Variants in UACA observed in about 807,000 individuals in gnomAD.
The protein encoded by UACA is nuclear membrane binding protein.
UACA carries 112 observed loss-of-function variants against 160.5 expected under a neutral mutation model. That is an observed-to-expected ratio of 0.70 (90% CI 0.60 to 0.82). The LOEUF is 0.82. Ranked by LOEUF, UACA falls within the 40% of genes least tolerant of loss-of-function variation. The pLI is 0.00. For synonymous variants in UACA, 557 were observed against 568.4 expected, an observed-to-expected ratio of 0.98 and a Z score of 0.29; for missense variants, 1,574 against 1,614.6, an observed-to-expected ratio of 0.97 and a Z score of 0.43.
chr15:70,678,244 T>A, intron 10 of UACA, 38 bp from the exon 11 acceptor site: 1 of 1,489,020 alleles, frequency 6.7e-7, no homozygotes, highest in Non-Finnish European at 9.1e-7. Flanking sequence ...AGGCCAATCT[T>A]AAAAGAGCAA....
upstream of UACA, among the ~76,000 whole-genome samples, chr15:70,765,155 G>A (rs561268629): frequency 4.0e-3 from 602 of 152,228 alleles, 8 homozygotes; most frequent in Non-Finnish European, 3.0e-3. Context: ...ATGGGTCATG[G>A]CTTTCAACTT....
chr15:70,696,386 A>G (rs1007235451), intron 2 of UACA, among the ~76,000 whole-genome samples: 2 of 152,202 alleles, frequency 1.3e-5, no homozygotes, highest in South Asian at 2.1e-4. Context: ...CCCCGAACCA[A>G]TAACAGTGCC....
intron 8 of UACA, 39 bp downstream of exon 8, chr15:70,684,226 T>C: frequency 6.5e-7 from 1 of 1,542,722 alleles, no homozygotes. Context: ...TGGCTCTTTG[T>C]TAATGTGGAC....
At chr15:70,756,976 C>CTGA (rs1278960880) in intron 1 of UACA, among the ~76,000 whole-genome samples, 1 of 152,198 alleles carries the variant, frequency 6.6e-6, no homozygotes, top group Non-Finnish European at 1.5e-5. Flanking sequence ...AAGTATCCAG[C>CTGA]TGATGATTAT....
chr15:70,688,039 T>A (rs569593280), intron 5 of UACA, among the ~76,000 whole-genome samples: 1 of 152,282 alleles, frequency 6.6e-6, no homozygotes, highest in African/African-American at 2.4e-5. Flanking sequence ...AGGAATAACG[T>A]CAACCTTGTA....
At chr15:70,720,704 C>T (rs947560002) in intron 1 of UACA, among the ~76,000 whole-genome samples, 10 of 151,970 alleles carry the variant, frequency 6.6e-5, no homozygotes, top group Admixed American at 2.6e-4. Flanking sequence ...TTTTGTATGC[C>T]GAAGCAAAGT....
chr15:70,696,249 T>C (rs1185322629), intron 2 of UACA, among the ~76,000 whole-genome samples: 2 of 152,224 alleles, frequency 1.3e-5, no homozygotes, highest in East Asian at 1.9e-4. Flanking sequence ...TATTATTCTA[T>C]AGAGGATTTA....
At chr15:70,772,242 C>G in the UACA span, among the ~76,000 whole-genome samples, 1 of 151,872 alleles carries the variant, frequency 6.6e-6, no homozygotes, top group East Asian at 1.9e-4. Flanking sequence ...GCCTGTAATC[C>G]CAGCACTTTG....
chr15:70,673,416 C>T (rs1447962195), intron 13 of UACA, among the ~76,000 whole-genome samples: 1 of 152,190 alleles, frequency 6.6e-6, no homozygotes. Context: ...CATGATAAAA[C>T]AGTCCACAAT....
At chr15:70,722,166 C>T (rs1899012421) in intron 1 of UACA, among the ~76,000 whole-genome samples, 1 of 152,074 alleles carries the variant, frequency 6.6e-6, no homozygotes, top group Non-Finnish European at 1.5e-5. Flanking sequence ...ACTTTATAAA[C>T]CCCTTAACGG....
At chr15:70,750,432 T>C (rs1444826607) in intron 1 of UACA, among the ~76,000 whole-genome samples, 1 of 152,174 alleles carries the variant, frequency 6.6e-6, no homozygotes, top group African/African-American at 2.4e-5. Flanking sequence ...CCCTTGCTAT[T>C]TTTCTAGTAT....
At position 70,729,691 on chromosome 15, in the gene UACA, G is replaced by A. The variant is rs1418112934; in HGVS notation, c.79-30031C>T. 2.8e-5 allele frequency among the ~76,000 whole-genome samples: 4 copies of A among 142,444 alleles called. 1 individual carries two copies. Among genetic ancestry groups the A allele is most frequent in the African/African-American group, 8.8e-5 (3 of 33,932 alleles). The allele number at this position is 142,444 out of a possible 152,430, so 93.4% of individuals were successfully genotyped here. ...AAGATGGCCGAATAGGAACAGCTCCGGTCTACAGCTCCCAGCGTGAGCGAC... is the reference window on the plus strand; with the variant it reads ...AAGATGGCCGAATAGGAACAGCTCCAGTCTACAGCTCCCAGCGTGAGCGAC... On this transcript the variant is annotated intron_variant, in intron 1 of 18. Transcript: ENST00000322954.
chr15:70,696,939 T>C (rs1361086539), intron 2 of UACA, among the ~76,000 whole-genome samples: 1 of 152,192 alleles, frequency 6.6e-6, no homozygotes, highest in Admixed American at 6.5e-5. Flanking sequence ...GCATTAGTAA[T>C]GCTGATGTGC....
rs1172387132 is a variant in UACA, at chr15:70,656,223, G to A, written c.*833C>T. 1 of 152,074 alleles carries A rather than the reference G, an allele frequency of 6.6e-6. No individual in the cohort carries two copies. Among genetic ancestry groups the A allele is most frequent in the South Asian group, 2.1e-4 (1 of 4,824 alleles). The allele number at this position is 152,074 out of a possible 1,614,324, so 9.4% of individuals were successfully genotyped here. A position where few individuals can be genotyped will look rare whatever the true frequency, so the allele number is the denominator to read the frequency against. On this transcript the variant is annotated 3_prime_UTR_variant, in exon 19 of 19. Transcript: ENST00000322954. ...AACATTTGGAGGATGCATATATAAT[G>A]AGTGCTTGGTTACTATAGTAGCGAA...
At chr15:70,735,212 G>C (rs1052541697) in intron 1 of UACA, among the ~76,000 whole-genome samples, 6 of 145,928 alleles carry the variant, frequency 4.1e-5, no homozygotes, top group African/African-American at 1.5e-4. Flanking sequence ...CAGAGGGATG[G>C]GGGGAAGGGC....
intron 1 of UACA, among the ~76,000 whole-genome samples, chr15:70,752,538 C>T (rs1288673017): frequency 6.6e-6 from 1 of 151,788 alleles, no homozygotes; most frequent in African/African-American, 2.4e-5. Context: ...CTCCCCCCCA[C>T]CACTTATCTC....
In UACA at chr15:70,659,714, G is replaced by A. The variant is rs187268863; in HGVS notation, c.4179+437C>T. 2.6e-5 allele frequency among the ~76,000 whole-genome samples: 4 copies of A among 151,978 alleles called. No individual in the cohort carries two copies. In the East Asian group the frequency reaches 5.8e-4, roughly 22 times the overall value. On this transcript the variant is annotated intron_variant, in intron 18 of 18. Coordinates refer to ENST00000322954, the MANE Select transcript of UACA (RefSeq NM_018003.4). ...CTTGGCTTTACCAAGCCAAGTTAAG[G>A]CTTGGTAAAACAGATCATTTTTAAT...
chr15:70,676,240 G>A (rs1272269205), intron 13 of UACA: 1 of 312,226 alleles, frequency 3.2e-6, no homozygotes, highest in Non-Finnish European at 5.9e-6. Context: ...GGACAATGAA[G>A]AGAAACTAGA....
At chr15:70,718,703 G>A (rs182919886) in intron 1 of UACA, among the ~76,000 whole-genome samples, 5 of 152,192 alleles carry the variant, frequency 3.3e-5, no homozygotes, top group Admixed American at 3.3e-4. Context: ...AAATTTGGAG[G>A]TAATTACTAT....
Sources: gnomAD v4.1 joint callset for allele counts (sites outside exome capture counted in the v4.1 genomes callset) on GRCh38, gnomAD v4.1.1 for gene constraint, MANE v1.5 for transcripts, NCBI Gene and HGNC (gene_info 2026-07-23, HGNC 2026-07-21) for gene names.